The following PDGFC variants were observed in gnomAD, a reference collection of about 807,000 sequenced individuals.
PDGFC encodes platelet-derived growth factor C.
A neutral mutation model predicts 35.5 loss-of-function variants in PDGFC; 12 were observed. That is an observed-to-expected ratio of 0.34 (90% CI 0.22 to 0.55). The LOEUF is 0.55. Ranked by LOEUF, PDGFC falls within the 20% of genes least tolerant of loss-of-function variation. The pLI, the probability that PDGFC is intolerant of heterozygous loss-of-function variation, is 0.91. For missense variants in PDGFC, 322 were observed against 412.4 expected, an observed-to-expected ratio of 0.78 and a Z score of 1.90; for synonymous variants, 159 against 148.8, an observed-to-expected ratio of 1.07 and a Z score of -0.50.
chr4:156,783,719 G>A (rs1426462280), intron 3 of PDGFC, among the ~76,000 whole-genome samples: 1 of 152,080 alleles, frequency 6.6e-6, no homozygotes, highest in Non-Finnish European at 1.5e-5. Context: ...TCATGGTGGG[G>A]CCAAATCTTG....
intron 2 of PDGFC, among the ~76,000 whole-genome samples, chr4:156,829,316 A>G (rs1728868553): frequency 1.3e-5 from 2 of 152,202 alleles, no homozygotes; most frequent in African/African-American, 2.4e-5. Flanking sequence ...ATCTTCACAT[A>G]AAGGGAAGCA....
At chr4:156,887,082 A>AC (rs1730393815) in intron 1 of PDGFC, among the ~76,000 whole-genome samples, 1 of 152,182 alleles carries the variant, frequency 6.6e-6, no homozygotes, top group African/African-American at 2.4e-5. Context: ...ACTATTAACA[A>AC]AGTTATTTCT....
intron 3 of PDGFC, among the ~76,000 whole-genome samples, chr4:156,802,190 G>A (rs1054144375): frequency 3.3e-5 from 5 of 152,030 alleles, no homozygotes; most frequent in Admixed American, 6.6e-5. Flanking sequence ...TGGGTATATC[G>A]TTAACTTTGG....
chr4:156,869,993 A>C (rs1475305531), intron 1 of PDGFC, among the ~76,000 whole-genome samples: 1 of 152,096 alleles, frequency 6.6e-6, no homozygotes, highest in Admixed American at 6.6e-5. Flanking sequence ...TTAAAAAAAA[A>C]ACCCAGCTTT....
chr4:156,789,882 C>A (rs1192314114), intron 3 of PDGFC, among the ~76,000 whole-genome samples: 1 of 144,486 alleles, frequency 6.9e-6, no homozygotes, highest in African/African-American at 2.6e-5. Flanking sequence ...GAGGCTGAGG[C>A]AGGAGAATGG....
intron 1 of PDGFC, among the ~76,000 whole-genome samples, chr4:156,878,535 T>C (rs1560853794): frequency 1.3e-5 from 2 of 152,228 alleles, no homozygotes; most frequent in African/African-American, 2.4e-5. Flanking sequence ...GTGGCCCTTA[T>C]CCAAAATGGT....
chr4:156,912,968 T>C (rs1296205175), intron 1 of PDGFC, among the ~76,000 whole-genome samples: 1 of 152,104 alleles, frequency 6.6e-6, no homozygotes, highest in Non-Finnish European at 1.5e-5. Flanking sequence ...CCCACACCCA[T>C]TCTTATATTT....
rs1255618221 is a variant in PDGFC at position 156,971,568 on chromosome 4, C to T, written c.-665G>A. 6.6e-6 allele frequency among the ~76,000 whole-genome samples: 1 copy of T among 151,096 alleles called. No homozygotes were observed. Among genetic ancestry groups the T allele is most frequent in the Non-Finnish European group, 1.5e-5 (1 of 67,664 alleles). On this transcript the variant is annotated 5_prime_UTR_variant, in exon 1 of 6. Transcript: ENST00000502773. ...GCCGCGGGGCTCCCGCTCCTCAGCC[C>T]GGAGCGCAGTTGGCCCCGGGTTCGG...
At chr4:156,910,540 C>T (rs915900067) in intron 1 of PDGFC, among the ~76,000 whole-genome samples, 5 of 152,048 alleles carry the variant, frequency 3.3e-5, no homozygotes, top group African/African-American at 1.2e-4. Context: ...TTTCACTTAT[C>T]TGAAATAAAT....
At chr4:156,918,027 G>T (rs1438045795) in intron 1 of PDGFC, among the ~76,000 whole-genome samples, 1 of 152,136 alleles carries the variant, frequency 6.6e-6, no homozygotes, top group African/African-American at 2.4e-5. Flanking sequence ...AGTACAAGAA[G>T]TAATTACTTG....
chr4:156,914,661 A>G (rs768369001), intron 1 of PDGFC, among the ~76,000 whole-genome samples: 5 of 152,162 alleles, frequency 3.3e-5, no homozygotes, highest in Admixed American at 6.5e-5. Context: ...GCCATGTTCA[A>G]ACGTGGTTAA....
chr4:156,951,317 G>A (rs1365554388), intron 1 of PDGFC, among the ~76,000 whole-genome samples: 1 of 151,692 alleles, frequency 6.6e-6, no homozygotes, highest in Non-Finnish European at 1.5e-5. Context: ...ATCAATGCAG[G>A]CAAATAGTTT....
At chr4:156,769,076 T>A (rs1262357542) in intron 4 of PDGFC, among the ~76,000 whole-genome samples, 1 of 151,850 alleles carries the variant, frequency 6.6e-6, no homozygotes, top group South Asian at 2.1e-4. Flanking sequence ...TCAGATAACA[T>A]ATATGCCTTC....
intron 1 of PDGFC, among the ~76,000 whole-genome samples, chr4:156,919,731 A>G (rs1731230021): frequency 6.6e-6 from 1 of 152,218 alleles, no homozygotes; most frequent in Admixed American, 6.5e-5. Context: ...GTGACAAGAC[A>G]GTAATAATTT....
intron 1 of PDGFC, among the ~76,000 whole-genome samples, chr4:156,959,038 T>C (rs1732277030): frequency 6.6e-6 from 1 of 152,078 alleles, no homozygotes; most frequent in Non-Finnish European, 1.5e-5. Context: ...AGTTTAGACA[T>C]GTCTGAGCCC....
intron 2 of PDGFC, among the ~76,000 whole-genome samples, chr4:156,838,400 T>G (rs1277319554): frequency 1.3e-5 from 2 of 152,232 alleles, no homozygotes; most frequent in African/African-American, 4.8e-5. Flanking sequence ...TATGGATACT[T>G]GGTCCAAACC....
chr4:156,801,354 A>G (rs550758051), intron 3 of PDGFC, among the ~76,000 whole-genome samples: 2 of 152,152 alleles, frequency 1.3e-5, no homozygotes, highest in Non-Finnish European at 2.9e-5. Flanking sequence ...AGCTGGCTCT[A>G]TGTGCATTAA....
intron 3 of PDGFC, 47 bp downstream of exon 3, chr4:156,810,790 C>T: frequency 8.2e-7 from 1 of 1,216,070 alleles, no homozygotes; most frequent in Non-Finnish European, 1.2e-6. Context: ...TAAAAAGAAA[C>T]AAAAAGCTGA....
chr4:156,765,885 G>T (rs1265699365), intron 5 of PDGFC, among the ~76,000 whole-genome samples: 1 of 152,098 alleles, frequency 6.6e-6, no homozygotes, highest in East Asian at 1.9e-4. Flanking sequence ...CATGAAAATT[G>T]CCAGGCTTAA....
Sources: gnomAD v4.1 joint callset for allele counts (sites outside exome capture counted in the v4.1 genomes callset) on GRCh38, gnomAD v4.1.1 for gene constraint, MANE v1.5 for transcripts, NCBI Gene and HGNC (gene_info 2026-07-23, HGNC 2026-07-21) for gene names.